Variants in HGF observed in about 807,000 individuals in gnomAD.
The protein encoded by HGF is hepatocyte growth factor.
In HGF, 39 loss-of-function variants were observed where a neutral mutation model predicts 111.6. The ratio of observed to expected loss-of-function variants is 0.35; its 90% CI spans 0.27 to 0.46. HGF has a LOEUF of 0.46. Ranked by LOEUF, HGF falls within the 20% of genes least tolerant of loss-of-function variation. The pLI, the probability that HGF is intolerant of heterozygous loss-of-function variation, is 1.00. For missense variants in HGF, 735 were observed against 910.5 expected (o/e 0.81, Z 2.48); for synonymous variants, 285 against 294.8 (o/e 0.97, Z 0.34).
rs1371236674 is a variant in HGF, at chr7:81,726,005, T to C, written c.1053A>G (p.Glu351=). The C allele has an allele frequency of 1.9e-6, 3 of 1,614,070 alleles. No homozygotes were observed. Among genetic ancestry groups the C allele is most frequent in the Non-Finnish European group, 2.5e-6 (3 of 1,179,934 alleles). The part of the protein sequence containing the change: ...PENFKCKDLR[E]NYCRNPDGSE... ...ACCCATCTGGATTTCGGCAGTAATTTTCTCGTAGGTCCCTATTGAGAATAA... is the reference window on the plus strand; with the variant it reads ...ACCCATCTGGATTTCGGCAGTAATTCTCTCGTAGGTCCCTATTGAGAATAA... Residue 351 remains glutamate (E), a synonymous_variant, in exon 9 of 18, where the codon GAA becomes GAG. Transcript: ENST00000222390.
chr7:81,738,452 C>T (rs1787905368), intron 7 of HGF, among the ~76,000 whole-genome samples: 2 of 152,084 alleles, frequency 1.3e-5, no homozygotes, highest in African/African-American at 4.8e-5. Context: ...AAATTTTATA[C>T]ACAGAATATT....
chr7:81,762,633 CAA>C, intron 2 of HGF, 72 bp downstream of exon 2: 1 of 1,120,094 alleles, frequency 8.9e-7, no homozygotes, highest in South Asian at 1.2e-5. Context: ...GACTACAACA[CAA>C]AAGACACATG....
In HGF at chr7:81,705,411, C is replaced by A; in HGVS notation, c.1989G>T (p.Lys663Asn). 1 of 1,612,810 alleles carries A rather than the reference C, an allele frequency of 6.2e-7. No homozygotes were observed. Among genetic ancestry groups the A allele is most frequent in the Non-Finnish European group, 8.5e-7 (1 of 1,179,078 alleles). The change falls in exon 17 of 18, where the codon AAG becomes AAT. Residue 663 changes from lysine to asparagine, a missense_variant. Around this residue, in one of 3 missense-constraint regions of HGF, gnomAD observed 52 missense variants for 95.0 expected, o/e 0.55. Coordinates refer to ENST00000222390, the MANE Select transcript of HGF (RefSeq NM_000601.6). Reference sequence around the variant, plus strand: ...TTACCTCACATGGTCCTGATCCAATCTTTTCAGCCCCAGCACATATTTCAG... The same window carrying A: ...TTACCTCACATGGTCCTGATCCAATATTTTCAGCCCCAGCACATATTTCAG... ...NESEICAGAE[K>N]IGSGPCEGDY...
chr7:81,718,592 T>C (rs1789775014), intron 10 of HGF, among the ~76,000 whole-genome samples: 1 of 152,190 alleles, frequency 6.6e-6, no homozygotes, highest in Non-Finnish European at 1.5e-5. Flanking sequence ...AAACCTAAAC[T>C]TGATGAATTA....
intron 7 of HGF, among the ~76,000 whole-genome samples, chr7:81,740,499 C>A (rs191038348): frequency 1.6e-4 from 24 of 152,186 alleles, no homozygotes; most frequent in Non-Finnish European, 3.2e-4. Context: ...TTATATTATA[C>A]AACAAAGATG....
chr7:81,733,241 C>T (rs548909282), intron 7 of HGF, among the ~76,000 whole-genome samples: 45 of 151,510 alleles, frequency 3.0e-4, no homozygotes, highest in South Asian at 1.7e-3. Flanking sequence ...AATTTGGAGA[C>T]GGAAAATAAA....
intron 17 of HGF, among the ~76,000 whole-genome samples, chr7:81,704,974 G>A (rs1789384026): frequency 6.6e-6 from 1 of 151,772 alleles, no homozygotes; most frequent in Non-Finnish European, 1.5e-5. Flanking sequence ...TACCCAAAAA[G>A]AGATTTAAAA....
chr7:81,752,596 C>G lies in HGF; in HGVS notation c.483-334G>C, dbSNP rs5745643. On this transcript the variant is annotated intron_variant, in intron 4 of 17. Transcript: ENST00000222390. ...AAAGATAGCAGGTGATTGAGCAAGGCCACTTAGGACAGAACTGAGAAATCG... is the reference window on the plus strand; with the variant it reads ...AAAGATAGCAGGTGATTGAGCAAGGGCACTTAGGACAGAACTGAGAAATCG... Among the ~76,000 whole-genome samples, 1,427 of 152,140 alleles carry G rather than the reference C, an allele frequency of 9.4e-3. 20 individuals carry two copies. The highest frequency in any genetic ancestry group is 0.033 in the African/African-American group (1,357 of 41,522).
chr7:81,743,423 G>T lies in HGF; in HGVS notation c.795C>A (p.Gly265=). Residue 265 remains glycine (G), a synonymous_variant, in exon 7 of 18, where the codon GGC becomes GGA. Transcript: ENST00000222390. ...GAGTATAGCACCATGGCCTCGGCTG[G>T]CCATCGGGATTGCGGCAATAATTAT... ...FDDNYCRNPD[G]QPRPWCYTLD... 6.2e-7 allele frequency: 1 copy of T among 1,613,776 alleles called. No homozygotes were observed. The highest frequency in any genetic ancestry group is 8.5e-7 in the Non-Finnish European group (1 of 1,179,726).
At chr7:81,728,824 T>A (rs926347690) in intron 8 of HGF, among the ~76,000 whole-genome samples, 10 of 152,170 alleles carry the variant, frequency 6.6e-5, no homozygotes, top group African/African-American at 2.4e-4. Flanking sequence ...ATAAAGCCAA[T>A]ATATGTTATT....
chr7:81,765,526 C>A (rs563099195), intron 1 of HGF, among the ~76,000 whole-genome samples: 1 of 152,072 alleles, frequency 6.6e-6, no homozygotes, highest in African/African-American at 2.4e-5. Flanking sequence ...CAATCAGAAC[C>A]AGACACCAGA....
intron 5 of HGF, 86 bp downstream of exon 5, chr7:81,752,034 A>G: frequency 6.3e-7 from 1 of 1,578,382 alleles, no homozygotes; most frequent in Non-Finnish European, 8.6e-7. Flanking sequence ...GTTATGATTG[A>G]TTCGTTGCTG....
intron 4 of HGF, chr7:81,755,176 G>A (rs1788699629): frequency 6.6e-6 from 1 of 151,984 alleles, no homozygotes; most frequent in Non-Finnish European, 1.5e-5. Context: ...TTCTAGTTAA[G>A]CTTCTACATT....
chr7:81,703,239 C>T (rs1789333321), intron 17 of HGF, among the ~76,000 whole-genome samples: 1 of 142,712 alleles, frequency 7.0e-6, no homozygotes, highest in Non-Finnish European at 1.5e-5. Flanking sequence ...ATTTCTAAAG[C>T]TTTTTTTTTT....
chr7:81,739,693 G>T lies in HGF; in HGVS notation c.865+3660C>A, dbSNP rs1412248829. On this transcript the variant is annotated intron_variant, in intron 7 of 17. Coordinates refer to ENST00000222390, the MANE Select transcript of HGF (RefSeq NM_000601.6). ...ATGTATCTCAAGAAGGGACCTTTGG[G>T]AAAGAATTCACCTGAGAGAAGAAGA... is the stretch of plus-strand genomic sequence containing the variant. Among the ~76,000 whole-genome samples, 3 of 152,032 alleles carry T rather than the reference G, an allele frequency of 2.0e-5. No individual in the cohort carries two copies. In the South Asian group the frequency reaches 6.2e-4, roughly 32 times the overall value.
At chr7:81,742,227 T>A (rs942300328) in intron 7 of HGF, among the ~76,000 whole-genome samples, 2 of 152,190 alleles carry the variant, frequency 1.3e-5, no homozygotes, top group Non-Finnish European at 2.9e-5. Flanking sequence ...TTGTCCAAAG[T>A]ATTAAGAGTT....
chr7:81,755,506 C>T (rs1788721796), intron 4 of HGF: 1 of 152,350 alleles, frequency 6.6e-6, no homozygotes, highest in Non-Finnish European at 1.5e-5. Flanking sequence ...GAAGCCAGTT[C>T]CCAGAGAGAT....
intron 6 of HGF, among the ~76,000 whole-genome samples, chr7:81,743,812 G>A (rs1788108818): frequency 6.6e-6 from 1 of 152,050 alleles, no homozygotes; most frequent in Admixed American, 6.6e-5. Flanking sequence ...AAGAAAACAG[G>A]TCCTCTTCTA....
rs559823359 is a variant in HGF, at chr7:81,726,062, G to A, written c.1041-45C>T. ...TAATGTAAATTGCCGGAGTTCTTAC[G>A]TTGGTGAAGTCAGCGCTATTACATT... On this transcript the variant is annotated intron_variant, in intron 8 of 17. Coordinates refer to ENST00000222390, the MANE Select transcript of HGF (RefSeq NM_000601.6). The A allele has an allele frequency of 1.6e-5, 26 of 1,589,438 alleles. No homozygotes were observed. The South Asian group carries it at 2.4e-4, about 15-fold the overall frequency.
Sources: gnomAD v4.1 joint callset for allele counts (sites outside exome capture counted in the v4.1 genomes callset) on GRCh38, gnomAD v4.1.1 for gene constraint, gnomAD v4.1.1 regional missense constraint, MANE v1.5 for transcripts, NCBI Gene and HGNC (gene_info 2026-07-23, HGNC 2026-07-21) for gene names.